Variants in OPCML observed in about 807,000 individuals in gnomAD.
The protein encoded by OPCML is opioid binding protein/cell adhesion molecule like.
A neutral mutation model predicts 37.8 loss-of-function variants in OPCML; 13 were observed. The observed-to-expected ratio is 0.34, with a 90% confidence interval of 0.22 to 0.55. The LOEUF (loss-of-function observed/expected upper bound fraction) is 0.55, where lower values mean the gene tolerates loss of function less well. Among genes scored for constraint, OPCML ranks in the 20% least tolerant of loss-of-function variants. The pLI, the probability that OPCML is intolerant of heterozygous loss-of-function variation, is 0.91. For missense variants in OPCML, 341 were observed against 435.6 expected, an observed-to-expected ratio of 0.78 and a Z score of 1.93; for synonymous variants, 176 against 168.8, an observed-to-expected ratio of 1.04 and a Z score of -0.33.
At chr11:132,884,984 T>C (rs966383165) in intron 2 of OPCML, among the ~76,000 whole-genome samples, 2 of 152,228 alleles carry the variant, frequency 1.3e-5, no homozygotes, top group African/African-American at 4.8e-5. Context: ...GAGTCCAAGC[T>C]GTGCAGCTCT....
intron 1 of OPCML, among the ~76,000 whole-genome samples, chr11:133,528,720 A>G (rs1473816397): frequency 1.3e-5 from 2 of 152,208 alleles, no homozygotes; most frequent in Admixed American, 6.5e-5. Context: ...AGCCTGTTTA[A>G]GGTGCAAGAG....
chr11:132,862,617 C>T (rs1470019269), intron 2 of OPCML, among the ~76,000 whole-genome samples: 1 of 152,272 alleles, frequency 6.6e-6, no homozygotes, highest in East Asian at 1.9e-4. Flanking sequence ...GCCCAGCATC[C>T]TAGCTAGGAC....
chr11:133,219,990 C>A (rs144115864), intron 1 of OPCML, among the ~76,000 whole-genome samples: 555 of 152,316 alleles, frequency 3.6e-3, no homozygotes, highest in African/African-American at 0.012. Context: ...GCAGTAACAT[C>A]TTTTCTATTT....
intron 1 of OPCML, among the ~76,000 whole-genome samples, chr11:133,344,154 A>G (rs549937616): frequency 6.6e-6 from 1 of 152,134 alleles, no homozygotes; most frequent in East Asian, 1.9e-4. Context: ...CTCCCTCCCT[A>G]ACTTCCGGTT....
chr11:132,580,882 T>C (rs1158500098), intron 3 of OPCML, among the ~76,000 whole-genome samples: 1 of 152,180 alleles, frequency 6.6e-6, no homozygotes, highest in Non-Finnish European at 1.5e-5. Flanking sequence ...TCCTTCTTTT[T>C]ATTTTGTTTT....
intron 4 of OPCML, among the ~76,000 whole-genome samples, chr11:132,496,326 T>C (rs185011157): frequency 2.0e-5 from 3 of 152,360 alleles, no homozygotes; most frequent in Non-Finnish European, 2.9e-5. Context: ...TATAGCATGC[T>C]GGTAATATGC....
chr11:132,543,520 GA>G (rs563363035), intron 3 of OPCML, among the ~76,000 whole-genome samples: 3 of 150,254 alleles, frequency 2.0e-5, no homozygotes, highest in African/African-American at 7.3e-5. Flanking sequence ...CTCTAAAAAA[GA>G]AAAAAAATTA....
intron 2 of OPCML, among the ~76,000 whole-genome samples, chr11:132,717,299 G>A (rs1011561982): frequency 5.3e-5 from 8 of 151,970 alleles, no homozygotes; most frequent in Non-Finnish European, 1.2e-4. Context: ...TTTAATAATG[G>A]AAGAACAAAA....
At chr11:133,013,273 C>CT (rs1475688168) in intron 1 of OPCML, among the ~76,000 whole-genome samples, 5 of 152,120 alleles carry the variant, frequency 3.3e-5, no homozygotes. Flanking sequence ...ACCTATGTCA[C>CT]TTTTTGGTTG....
At chr11:133,406,880 AGAG>A (rs1945538513) in intron 1 of OPCML, among the ~76,000 whole-genome samples, 1 of 152,232 alleles carries the variant, frequency 6.6e-6, no homozygotes, top group Non-Finnish European at 1.5e-5. Context: ...TCGCAATTAC[AGAG>A]TAGTGTGGAG....
intron 1 of OPCML, among the ~76,000 whole-genome samples, chr11:132,991,431 G>C (rs939953422): frequency 3.3e-5 from 5 of 152,094 alleles, no homozygotes; most frequent in African/African-American, 1.2e-4. Context: ...CGGTGTCCTT[G>C]TACATTTCTG....
chr11:132,797,076 T>A (rs1938366957), intron 2 of OPCML, among the ~76,000 whole-genome samples: 1 of 152,230 alleles, frequency 6.6e-6, no homozygotes, highest in South Asian at 2.1e-4. Flanking sequence ...ACCTTTTTAA[T>A]AGTTGTCCTT....
At chr11:132,422,665 G>C (rs1279276251) in intron 7 of OPCML, among the ~76,000 whole-genome samples, 1 of 152,212 alleles carries the variant, frequency 6.6e-6, no homozygotes, top group Non-Finnish European at 1.5e-5. Flanking sequence ...ATGTGCTACT[G>C]TCATTCCCAC....
At chr11:133,303,637 A>G (rs1942838951) in intron 1 of OPCML, among the ~76,000 whole-genome samples, 1 of 152,186 alleles carries the variant, frequency 6.6e-6, no homozygotes, top group African/African-American at 2.4e-5. Flanking sequence ...ATATGCTACC[A>G]TATGTGTTCT....
intron 1 of OPCML, among the ~76,000 whole-genome samples, chr11:133,516,514 C>T (rs540536239): frequency 4.6e-5 from 7 of 152,260 alleles, no homozygotes; most frequent in East Asian, 1.9e-4. Context: ...CCAGTTTTTC[C>T]GAGTTTTGCT....
intron 1 of OPCML, among the ~76,000 whole-genome samples, chr11:133,518,879 C>T (rs1415080970): frequency 6.6e-6 from 1 of 151,872 alleles, no homozygotes; most frequent in Non-Finnish European, 1.5e-5. Context: ...GTGCCCGCCC[C>T]CTAGGGTTCT....
At chr11:132,884,110 T>C (rs987587722) in intron 2 of OPCML, among the ~76,000 whole-genome samples, 6 of 152,228 alleles carry the variant, frequency 3.9e-5, no homozygotes, top group Non-Finnish European at 8.8e-5. Context: ...TAGCTGGGGT[T>C]ATCCATTTGG....
chr11:132,523,074 C>T (rs2096298186), intron 4 of OPCML, among the ~76,000 whole-genome samples: 1 of 152,174 alleles, frequency 6.6e-6, no homozygotes, highest in Non-Finnish European at 1.5e-5. Flanking sequence ...GCAGTTGCAA[C>T]TACAGGCGTG....
In OPCML at chr11:133,084,399, T is replaced by C. The variant is rs146656513; in HGVS notation, c.62-141389A>G. ...GGTCAATTTTCAAATTCAAGTTTCG[T>C]TGTTTAGTTTCCCAGAAAGAGGTGT... On this transcript the variant is annotated intron_variant, in intron 1 of 7. Transcript: ENST00000524381. Among the ~76,000 whole-genome samples the C allele has an allele frequency of 7.5e-3, 1,144 of 152,336 alleles. 14 individuals are homozygous for C. The highest frequency in any genetic ancestry group is 0.019 in the African/African-American group (795 of 41,574).
Sources: gnomAD v4.1 joint callset for allele counts (sites outside exome capture counted in the v4.1 genomes callset) on GRCh38, gnomAD v4.1.1 for gene constraint, MANE v1.5 for transcripts, NCBI Gene and HGNC (gene_info 2026-07-23, HGNC 2026-07-21) for gene names.